The following RAPGEF1 variants were observed in gnomAD, a reference collection of about 807,000 sequenced individuals.
RAPGEF1 encodes the protein CRK SH3-binding GNRP.
A neutral mutation model predicts 143.3 loss-of-function variants in RAPGEF1; 33 were observed. The observed-to-expected ratio is 0.23, with a 90% confidence interval of 0.17 to 0.31. The LOEUF is 0.31. Among genes scored for constraint, RAPGEF1 ranks in the 10% least tolerant of loss-of-function variants. RAPGEF1 has a pLI of 1.00. For missense variants in RAPGEF1, 1,199 were observed against 1,645.4 expected, an observed-to-expected ratio of 0.73 and a Z score of 4.69; for synonymous variants, 629 against 676.5, an observed-to-expected ratio of 0.93 and a Z score of 1.09.
At chr9:131,705,014 G>A (rs1381434359) in intron 1 of RAPGEF1, among the ~76,000 whole-genome samples, 1 of 152,204 alleles carries the variant, frequency 6.6e-6, no homozygotes, top group African/African-American at 2.4e-5. Context: ...ATTGCTGTGG[G>A]ATAGAGGAAG....
chr9:131,689,827 C>A (rs940033472), intron 1 of RAPGEF1, among the ~76,000 whole-genome samples: 1 of 152,296 alleles, frequency 6.6e-6, no homozygotes, highest in South Asian at 2.1e-4. Flanking sequence ...CGCGAGCCAC[C>A]GCGCTTGGCC....
At chr9:131,599,753 C>T (rs906923992) in intron 15 of RAPGEF1, among the ~76,000 whole-genome samples, 4 of 152,156 alleles carry the variant, frequency 2.6e-5, no homozygotes, top group African/African-American at 7.2e-5. Flanking sequence ...CTTCCATGTT[C>T]CTCTATTTTA....
intron 1 of RAPGEF1, among the ~76,000 whole-genome samples, chr9:131,730,395 C>G (rs2104664): frequency 0.28 from 42,273 of 150,998 alleles, 6,384 homozygotes; most frequent in Non-Finnish European, 0.35. Flanking sequence ...AAAGAACCAG[C>G]CTTAGGCTGG....
In RAPGEF1 at chr9:131,643,251, C is replaced by G; in HGVS notation, c.482G>C (p.Arg161Pro). The change falls in exon 4 of 27, where the codon CGA becomes CCA. Residue 161 changes from arginine (R) to proline (P), a missense_variant. Physicochemically the swap from Arg to Pro is moderately radical, Grantham distance 103 (BLOSUM62 -2). This residue lies in a region of RAPGEF1 where 613 missense variants were observed against 710.9 expected (regional missense o/e 0.86). Coordinates refer to ENST00000683357, the MANE Select transcript of RAPGEF1 (RefSeq NM_001377935.1). Reference protein sequence around the residue: ...AILPLVQNDPRIQHSSALSSC... With the variant: ...AILPLVQNDPPIQHSSALSSC... The stretch of plus-strand genomic sequence containing the variant: ...CAGAGCCACTCACCTGTGCTGAATT[C>G]GAGGATCGTTCTGCACCAGGGGTAA... The G allele has an allele frequency of 6.2e-7, 1 of 1,611,092 alleles. No homozygotes were observed.
rs753339286 is a variant in RAPGEF1, at chr9:131,605,036, G to C, written c.2214C>G (p.Ala738=). The change falls in exon 13 of 27, where the codon GCC becomes GCG. Residue 738 remains alanine, a synonymous_variant. Coordinates refer to ENST00000683357, the MANE Select transcript of RAPGEF1 (RefSeq NM_001377935.1). ...QSSDLAVPTM[A]GPPPSTVDGP... is the part of the protein sequence containing the mutation. ...CGTCCACGGTGCTGGGAGGTGGACC[G>C]GCCATGGTTGGCACGGCTAAGTCAG... 48 of 1,363,756 alleles carry C rather than the reference G, an allele frequency of 3.5e-5. No individual in the cohort carries two copies. Among genetic ancestry groups the C allele is most frequent in the Non-Finnish European group, 4.3e-5 (44 of 1,020,858 alleles). 84.5% of individuals were successfully genotyped at this position (1,363,756 alleles called of 1,614,324 possible). A position where few individuals can be genotyped will look rare whatever the true frequency, so the allele number is the denominator to read the frequency against.
At chr9:131,600,699 G>A (rs1304149278) in intron 15 of RAPGEF1, among the ~76,000 whole-genome samples, 1 of 152,236 alleles carries the variant, frequency 6.6e-6, no homozygotes, top group African/African-American at 2.4e-5. Context: ...AAGGAGGGAG[G>A]AAAAGCTTGA....
At chr9:131,585,366 G>GGC (rs1564449894) in intron 22 of RAPGEF1, among the ~76,000 whole-genome samples, 1 of 151,548 alleles carries the variant, frequency 6.6e-6, no homozygotes, top group African/African-American at 2.4e-5. Context: ...TTTTGTAGGG[G>GGC]GGGGGCGTCT....
At chr9:131,705,127 A>G (rs1056320939) in intron 1 of RAPGEF1, among the ~76,000 whole-genome samples, 13 of 152,240 alleles carry the variant, frequency 8.5e-5, no homozygotes, top group Non-Finnish European at 1.9e-4. Context: ...TCCAAGTCCC[A>G]AAGACACCTG....
At chr9:131,736,507 C>A (rs1837424683) in intron 1 of RAPGEF1, among the ~76,000 whole-genome samples, 1 of 152,200 alleles carries the variant, frequency 6.6e-6, no homozygotes, top group African/African-American at 2.4e-5. Context: ...TATGGATGAA[C>A]CCCTCAAGGC....
rs1951301470 is a variant in RAPGEF1, at chr9:131,577,076, C to G, written c.*2421G>C. The stretch of plus-strand genomic sequence containing the variant: ...GTCTGTGAAGACTGATTCCCACAAC[C>G]CGCCCGGGCCCCCCAAAGGAACAGA... On this transcript the variant is annotated 3_prime_UTR_variant, in exon 27 of 27. Transcript: ENST00000683357. 6.6e-6 allele frequency: 1 copy of G among 152,350 alleles called. No individual in the cohort carries two copies. The highest frequency in any genetic ancestry group is 2.1e-4 in the South Asian group (1 of 4,834). The allele number at this position is 152,350 out of a possible 1,614,324, so 9.4% of individuals were successfully genotyped here.
Position 131,584,270 on chromosome 9 carries a change from C to A in RAPGEF1, c.3414+41G>T. 2 of 1,544,432 alleles carry A rather than the reference C, an allele frequency of 1.3e-6. No individual in the cohort carries two copies. The highest frequency in any genetic ancestry group is 2.4e-5 in the East Asian group (1 of 42,424). On this transcript the variant is annotated intron_variant, in intron 24 of 26. Coordinates refer to ENST00000683357, the MANE Select transcript of RAPGEF1 (RefSeq NM_001377935.1). The surrounding 1 kb of genome is among the most constrained non-coding windows in gnomAD (Gnocchi z 6.8). ...GTCGCCTGAGGGCTGGGCGGCCCCCCTTACCAGCCACCCTCCCGCCCACGC... is the reference window on the plus strand; with the variant it reads ...GTCGCCTGAGGGCTGGGCGGCCCCCATTACCAGCCACCCTCCCGCCCACGC...
In RAPGEF1 at chr9:131,625,223, G is replaced by A. The variant is rs181106854; in HGVS notation, c.1702+699C>T. Among the ~76,000 whole-genome samples the A allele has an allele frequency of 1.7e-3, 258 of 152,362 alleles. 1 individual carries two copies. The highest frequency in any genetic ancestry group is 3.0e-3 in the Non-Finnish European group (201 of 68,034). ...CAGAACTATGCTAGTGAAGCAGGGA[G>A]AGGGCGGGGACAGAGGGGGCCAGGC... On this transcript the variant is annotated intron_variant, in intron 10 of 26. Transcript: ENST00000683357.
chr9:131,664,070 C>T (rs1266759300), intron 1 of RAPGEF1, among the ~76,000 whole-genome samples: 1 of 152,056 alleles, frequency 6.6e-6, no homozygotes, highest in African/African-American at 2.4e-5. Context: ...TGTTATAATC[C>T]ATTATAATCA....
chr9:131,718,806 A>G (rs1048806178), intron 1 of RAPGEF1, among the ~76,000 whole-genome samples: 7 of 152,122 alleles, frequency 4.6e-5, no homozygotes, highest in Non-Finnish European at 1.5e-5. Context: ...TTTGAGAAGG[A>G]CCAGTGTTTA....
At chr9:131,601,213 A>G (rs1196569016) in intron 15 of RAPGEF1, among the ~76,000 whole-genome samples, 1 of 150,904 alleles carries the variant, frequency 6.6e-6, no homozygotes, top group Admixed American at 6.6e-5. Context: ...GACATTAAAG[A>G]GCTGTAATGA....
intron 16 of RAPGEF1, among the ~76,000 whole-genome samples, chr9:131,597,775 C>T (rs184131725): frequency 1.4e-4 from 22 of 152,138 alleles, no homozygotes; most frequent in African/African-American, 3.4e-4. Flanking sequence ...TGGTCTTGAA[C>T]GCCTGGACTC....
At chr9:131,692,382 G>A (rs911168194) in intron 1 of RAPGEF1, among the ~76,000 whole-genome samples, 3 of 152,148 alleles carry the variant, frequency 2.0e-5, no homozygotes, top group Non-Finnish European at 2.9e-5. Flanking sequence ...AGGCTGGAAC[G>A]GATCCAGAAT....
chr9:131,628,435 T>A lies in RAPGEF1; in HGVS notation c.1017+114A>T. ...GGGTACAAGGTCTCGCACTCCTCGA[T>A]GTGACAAACACCAGCGCCTGAAGAC... On this transcript the variant is annotated intron_variant, in intron 8 of 26. Coordinates refer to ENST00000683357, the MANE Select transcript of RAPGEF1 (RefSeq NM_001377935.1). This position sits in a 1 kb window ranked among gnomAD's most constrained non-coding sequence, Gnocchi z 5.7. The A allele has an allele frequency of 1.4e-6, 2 of 1,391,226 alleles. No homozygotes were observed. Among genetic ancestry groups the A allele is most frequent in the Non-Finnish European group, 2.0e-6 (2 of 1,024,464 alleles). 86.2% of individuals were successfully genotyped at this position (1,391,226 alleles called of 1,614,324 possible). A position where few individuals can be genotyped will look rare whatever the true frequency, so the allele number is the denominator to read the frequency against.
chr9:131,645,726 C>T (rs929369148), intron 3 of RAPGEF1, among the ~76,000 whole-genome samples: 2 of 152,246 alleles, frequency 1.3e-5, no homozygotes, highest in Non-Finnish European at 2.9e-5. Flanking sequence ...GAAGCTGCCT[C>T]GCTGCATAAC....
Sources: allele counts gnomAD v4.1 joint callset (sites outside exome capture counted in the v4.1 genomes callset), GRCh38; gene constraint gnomAD v4.1.1; regional missense constraint gnomAD v4.1.1; non-coding constraint Gnocchi (gnomAD v3.1); transcripts MANE v1.5; gene names NCBI Gene and HGNC (gene_info 2026-07-23, HGNC 2026-07-21).